Variants in BRIP1 observed in about 807,000 individuals in gnomAD.
BRIP1 encodes the protein Fanconi anemia group J protein.
Under a neutral mutation model 119.7 loss-of-function variants are expected in BRIP1, and 88 were observed. The observed-to-expected ratio is 0.74, with a 90% confidence interval of 0.62 to 0.88. The LOEUF (loss-of-function observed/expected upper bound fraction) is 0.88, where lower values mean the gene tolerates loss of function less well. Ranked by LOEUF, BRIP1 falls within the 40% of genes least tolerant of loss-of-function variation. The probability of loss-of-function intolerance (pLI) is 0.00; values close to 1 mark genes in which losing one functional copy is unlikely to be tolerated. For missense variants in BRIP1, 1,259 were observed against 1,455.4 expected (o/e 0.87, Z 2.20); for synonymous variants, 443 against 496.5 (o/e 0.89, Z 1.43).
intron 6 of BRIP1, among the ~76,000 whole-genome samples, chr17:61,811,153 A>G (rs2078154987): frequency 6.6e-6 from 1 of 152,204 alleles, no homozygotes; most frequent in Non-Finnish European, 1.5e-5. Context: ...GTAAAGTAAT[A>G]TGAACAAATT....
Position 61,846,222 on chromosome 17 carries a change from CAT to C in BRIP1, c.627+877_627+878del, listed in dbSNP as rs1259939758. On this transcript the variant is annotated intron_variant, in intron 6 of 19. Coordinates refer to ENST00000259008, the MANE Select transcript of BRIP1 (RefSeq NM_032043.3). The surrounding 1 kb of genome is among the most constrained non-coding windows in gnomAD (Gnocchi z 4.3). ...ATAAATAAATTTAAAAAATTATATACATATAGAGAGAGAGAGAGAGAAAAAGA... is the reference window on the plus strand; with the variant it reads ...ATAAATAAATTTAAAAAATTATATACATAGAGAGAGAGAGAGAGAAAAAGA... Among the ~76,000 whole-genome samples the C allele has an allele frequency of 2.6e-4, 38 of 143,806 alleles. No individual in the cohort carries two copies. Among genetic ancestry groups the C allele is most frequent in the African/African-American group, 9.6e-4 (38 of 39,774 alleles). 94.3% of individuals were successfully genotyped at this position (143,806 alleles called of 152,430 possible). A position where few individuals can be genotyped will look rare whatever the true frequency, so the allele number is the denominator to read the frequency against.
At chr17:61,797,953 C>A (rs1392060819) in intron 9 of BRIP1, among the ~76,000 whole-genome samples, 1 of 151,930 alleles carries the variant, frequency 6.6e-6, no homozygotes, top group Non-Finnish European at 1.5e-5. Context: ...TACATTAGCC[C>A]CCCTGTCATC....
rs1363372062 is a variant in BRIP1, at chr17:61,823,626, C to T, written c.628-14869G>A. Among the ~76,000 whole-genome samples, 1 of 152,014 alleles carries T rather than the reference C, an allele frequency of 6.6e-6. No homozygotes were observed. Among genetic ancestry groups the T allele is most frequent in the Non-Finnish European group, 1.5e-5 (1 of 67,998 alleles). ...ATAATATCAAGCTGTCTAATATACACATAATTGAAGTCTGAAAGGAAAAAA... is the reference window on the plus strand; with the variant it reads ...ATAATATCAAGCTGTCTAATATACATATAATTGAAGTCTGAAAGGAAAAAA... On this transcript the variant is annotated intron_variant, in intron 6 of 19. Transcript: ENST00000259008. The surrounding 1 kb of genome is among the most constrained non-coding windows in gnomAD (Gnocchi z 4.8).
chr17:61,841,854 A>C lies in BRIP1; in HGVS notation c.627+5247T>G, dbSNP rs1226635892. On this transcript the variant is annotated intron_variant, in intron 6 of 19. Transcript: ENST00000259008. The surrounding 1 kb of genome is among the most constrained non-coding windows in gnomAD (Gnocchi z 4.1). The stretch of plus-strand genomic sequence containing the variant: ...CCACCACGCCTGGCTAATTTTTTTA[A>C]AAATTTTGTACAGATGGGGTTCTCG... Among the ~76,000 whole-genome samples the C allele has an allele frequency of 6.6e-6, 1 of 152,040 alleles. No individual in the cohort carries two copies. The highest frequency in any genetic ancestry group is 1.5e-5 in the Non-Finnish European group (1 of 67,986).
chr17:61,770,479 A>G lies in BRIP1; in HGVS notation c.2097+5922T>C, dbSNP rs193073026. 1.3e-5 allele frequency among the ~76,000 whole-genome samples: 2 copies of G among 152,340 alleles called. No homozygotes were observed. The highest frequency in any genetic ancestry group is 3.9e-4 in the East Asian group (2 of 5,194). On this transcript the variant is annotated intron_variant, in intron 14 of 19. Transcript: ENST00000259008. The surrounding 1 kb of genome is among the most constrained non-coding windows in gnomAD (Gnocchi z 4.7). ...ATAAAATGTGTTTTAACATAGATAC[A>G]AAAGACAATATAAAATGTATTCTGT...
intron 16 of BRIP1, among the ~76,000 whole-genome samples, chr17:61,737,953 G>A (rs1267577623): frequency 1.3e-5 from 2 of 152,178 alleles, no homozygotes; most frequent in Non-Finnish European, 2.9e-5. Context: ...GCAACAGGAG[G>A]TTAGCAGATG....
intron 16 of BRIP1, among the ~76,000 whole-genome samples, chr17:61,716,796 G>T (rs2061877483): frequency 1.4e-5 from 2 of 146,762 alleles, no homozygotes; most frequent in African/African-American, 2.5e-5. Context: ...TTCCACTACT[G>T]GAAATAATAT....
At position 61,799,022 on chromosome 17, in the gene BRIP1, C is replaced by G. The variant is rs2077943882; in HGVS notation, c.1340+78G>C. The G allele has an allele frequency of 7.1e-7, 1 of 1,407,868 alleles. No individual in the cohort carries two copies. Among genetic ancestry groups the G allele is most frequent in the African/African-American group, 1.4e-5 (1 of 70,786 alleles). The allele number at this position is 1,407,868 out of a possible 1,614,324, so 87.2% of individuals were successfully genotyped here. A position where few individuals can be genotyped will look rare whatever the true frequency, so the allele number is the denominator to read the frequency against. ...AGCCTAGTTAACCAAAGTTTACTAACTTTAAATACTCTGGCATAATCAAAC... is the reference window on the plus strand; with the variant it reads ...AGCCTAGTTAACCAAAGTTTACTAAGTTTAAATACTCTGGCATAATCAAAC... On this transcript the variant is annotated intron_variant, in intron 9 of 19. Transcript: ENST00000259008. This position sits in a 1 kb window ranked among gnomAD's most constrained non-coding sequence, Gnocchi z 5.1.
rs1433260187 is a variant in BRIP1, at chr17:61,832,798, G to A, written c.627+14303C>T. Among the ~76,000 whole-genome samples the A allele has an allele frequency of 6.6e-6, 1 of 152,168 alleles. No homozygotes were observed. Among genetic ancestry groups the A allele is most frequent in the Non-Finnish European group, 1.5e-5 (1 of 68,032 alleles). ...CTGCTAAAATTTAAACCGGTTCTGA[G>A]TATTAGATGGCAACAATGAATCAAT... On this transcript the variant is annotated intron_variant, in intron 6 of 19. Transcript: ENST00000259008. The surrounding 1 kb of genome is among the most constrained non-coding windows in gnomAD (Gnocchi z 5.5).
At position 61,799,552 on chromosome 17, in the gene BRIP1, T is replaced by G. The variant is rs1028727037; in HGVS notation, c.1141-253A>C. On this transcript the variant is annotated intron_variant, in intron 8 of 19. Coordinates refer to ENST00000259008, the MANE Select transcript of BRIP1 (RefSeq NM_032043.3). The surrounding 1 kb of genome is among the most constrained non-coding windows in gnomAD (Gnocchi z 5.1). ...AAACCTATCGACAGCAACAAAAATATGTCAGTGAGTCTGGATCAAGGTACC... is the reference window on the plus strand; with the variant it reads ...AAACCTATCGACAGCAACAAAAATAGGTCAGTGAGTCTGGATCAAGGTACC... Among the ~76,000 whole-genome samples, 1 of 152,096 alleles carries G rather than the reference T, an allele frequency of 6.6e-6. No homozygotes were observed. Among genetic ancestry groups the G allele is most frequent in the East Asian group, 1.9e-4 (1 of 5,190 alleles).
Position 61,862,358 on chromosome 17 carries a change from T to C in BRIP1, c.-30-789A>G, listed in dbSNP as rs2145872389. On this transcript the variant is annotated intron_variant, in intron 1 of 19. Transcript: ENST00000259008. The surrounding 1 kb of genome is among the most constrained non-coding windows in gnomAD (Gnocchi z 5.3). ...GCAATCCTAAGTTTGAATTCCACTG[T>C]GTGAATCACTTAACTTCTCAGAGCT... Among the ~76,000 whole-genome samples the C allele has an allele frequency of 6.6e-6, 1 of 152,326 alleles. No homozygotes were observed. Among genetic ancestry groups the C allele is most frequent in the Admixed American group, 6.5e-5 (1 of 15,302 alleles).
In BRIP1 at chr17:61,796,472, T is replaced by C. The variant is rs1462732167; in HGVS notation, c.1340+2628A>G. ...GGGTCTTGTTTTATTCTCCTGTAGATGGATATCCAGTTTTCCCGGCACCAT... is the reference window on the plus strand; with the variant it reads ...GGGTCTTGTTTTATTCTCCTGTAGACGGATATCCAGTTTTCCCGGCACCAT... On this transcript the variant is annotated intron_variant, in intron 9 of 19. Coordinates refer to ENST00000259008, the MANE Select transcript of BRIP1 (RefSeq NM_032043.3). This position sits in a 1 kb window ranked among gnomAD's most constrained non-coding sequence, Gnocchi z 4.8. Among the ~76,000 whole-genome samples the C allele has an allele frequency of 1.3e-5, 2 of 152,112 alleles. No individual in the cohort carries two copies. The highest frequency in any genetic ancestry group is 2.9e-5 in the Non-Finnish European group (2 of 67,974).
At chr17:61,784,122 C>G in intron 11 of BRIP1, 148 bp downstream of exon 11, 1 of 694,838 alleles carries the variant, frequency 1.4e-6, no homozygotes, top group East Asian at 2.9e-5. Flanking sequence ...AAGTCTGTGT[C>G]AATAAGAGCA....
chr17:61,782,503 T>C (rs1183606101), intron 11 of BRIP1, among the ~76,000 whole-genome samples: 1 of 151,370 alleles, frequency 6.6e-6, no homozygotes, highest in African/African-American at 2.4e-5. Flanking sequence ...AAGAGAAAGA[T>C]AAATTGGACT....
rs1352345606 is a variant in BRIP1 at position 61,841,920 on chromosome 17, A to G, written c.627+5181T>C. Among the ~76,000 whole-genome samples the G allele has an allele frequency of 6.6e-6, 1 of 152,054 alleles. No individual in the cohort carries two copies. The highest frequency in any genetic ancestry group is 2.4e-5 in the African/African-American group (1 of 41,390). ...TGGTCTCAAACTCCTGGCCTGAGTG[A>G]TTCTCCTACCTGAGCCTTCCAAAGT... On this transcript the variant is annotated intron_variant, in intron 6 of 19. Coordinates refer to ENST00000259008, the MANE Select transcript of BRIP1 (RefSeq NM_032043.3). This position sits in a 1 kb window ranked among gnomAD's most constrained non-coding sequence, Gnocchi z 4.1.
Position 61,698,968 on chromosome 17 carries a change from C to T in BRIP1, c.2493-5456G>A, listed in dbSNP as rs544554548. On this transcript the variant is annotated intron_variant, in intron 17 of 19. Coordinates refer to ENST00000259008, the MANE Select transcript of BRIP1 (RefSeq NM_032043.3). ...CTAAGCTCAAGCGATCTGCCCACCT[C>T]AGCCTCCCAAAGTGCTGGGATTGCA... Among the ~76,000 whole-genome samples, 32 of 152,066 alleles carry T rather than the reference C, an allele frequency of 2.1e-4. No homozygotes were observed. The East Asian group carries it at 6.2e-3, about 29-fold the overall frequency.
chr17:61,705,943 A>G lies in BRIP1; in HGVS notation c.2492+10008T>C, dbSNP rs1188178539. On this transcript the variant is annotated intron_variant, in intron 17 of 19. Transcript: ENST00000259008. This position sits in a 1 kb window ranked among gnomAD's most constrained non-coding sequence, Gnocchi z 5.0. The stretch of plus-strand genomic sequence containing the variant: ...ACATACTGGACTTGAGTTGGCTAAT[A>G]ATGTTGCTCAAGTCATCTATATCTT... Among the ~76,000 whole-genome samples the G allele has an allele frequency of 6.6e-6, 1 of 152,144 alleles. No homozygotes were observed. The highest frequency in any genetic ancestry group is 1.5e-5 in the Non-Finnish European group (1 of 68,006).
rs1039289359 is a variant in BRIP1, at chr17:61,831,673, T to C, written c.627+15428A>G. Among the ~76,000 whole-genome samples, 11 of 152,244 alleles carry C rather than the reference T, an allele frequency of 7.2e-5. No homozygotes were observed. Among genetic ancestry groups the C allele is most frequent in the Admixed American group, 6.5e-4 (10 of 15,282 alleles). On this transcript the variant is annotated intron_variant, in intron 6 of 19. Coordinates refer to ENST00000259008, the MANE Select transcript of BRIP1 (RefSeq NM_032043.3). This position sits in a 1 kb window ranked among gnomAD's most constrained non-coding sequence, Gnocchi z 4.1. The stretch of plus-strand genomic sequence containing the variant: ...TTTGGTTGTTTCCACCTTTTGGCTA[T>C]TGTGAATAACACTCCTATGAACACT...
In BRIP1 at chr17:61,845,881, G is replaced by A. The variant is rs2078720608; in HGVS notation, c.627+1220C>T. Among the ~76,000 whole-genome samples the A allele has an allele frequency of 6.6e-6, 1 of 152,088 alleles. No individual in the cohort carries two copies. The highest frequency in any genetic ancestry group is 2.4e-5 in the African/African-American group (1 of 41,398). On this transcript the variant is annotated intron_variant, in intron 6 of 19. Coordinates refer to ENST00000259008, the MANE Select transcript of BRIP1 (RefSeq NM_032043.3). This position sits in a 1 kb window ranked among gnomAD's most constrained non-coding sequence, Gnocchi z 4.2. ...ATCAAAGACATTCTTAAATGAAACT[G>A]GTTTTTTTTCAAAACTGTGATCTAA...
Sources: gnomAD v4.1 joint callset for allele counts (sites outside exome capture counted in the v4.1 genomes callset) on GRCh38, gnomAD v4.1.1 for gene constraint, Gnocchi (gnomAD v3.1) non-coding constraint, MANE v1.5 for transcripts, NCBI Gene and HGNC (gene_info 2026-07-23, HGNC 2026-07-21) for gene names.